TSPEAR: variants seen among roughly 807,000 people sequenced by gnomAD.
TSPEAR encodes thrombospondin-type laminin G domain and EAR repeat-containing protein.
TSPEAR carries 69 observed loss-of-function variants against 71.6 expected under a neutral mutation model. The observed-to-expected ratio is 0.96, with a 90% confidence interval of 0.79 to 1.18. The LOEUF (loss-of-function observed/expected upper bound fraction) is 1.18, where lower values mean the gene tolerates loss of function less well. TSPEAR is among the 50% of genes most tolerant of loss of function. TSPEAR has a pLI of 0.00. For missense variants in TSPEAR, 971 were observed against 894.9 expected, an observed-to-expected ratio of 1.09 and a Z score of -1.09; for synonymous variants, 402 against 387.2, an observed-to-expected ratio of 1.04 and a Z score of -0.45.
intron 1 of TSPEAR, among the ~76,000 whole-genome samples, chr21:44,594,485 A>G (rs1980225388): frequency 6.6e-6 from 1 of 152,194 alleles, no homozygotes; most frequent in Non-Finnish European, 1.5e-5. Flanking sequence ...GACCGACATT[A>G]AAGTCTCACT....
chr21:44,677,702 G>C, intron 1 of TSPEAR: 1 of 1,425,202 alleles, frequency 7.0e-7, no homozygotes, highest in South Asian at 1.1e-5. Context: ...TTTGTTTTTG[G>C]AGTTGTGAGG....
At chr21:44,654,705 C>A (rs782771018) in intron 1 of TSPEAR, 22 of 858,512 alleles carry the variant, frequency 2.6e-5, no homozygotes, top group South Asian at 7.3e-5. Flanking sequence ...CTACCGGCAT[C>A]CTGGCAACAA....
At chr21:44,662,667 A>G (rs969968482) in intron 1 of TSPEAR, among the ~76,000 whole-genome samples, 5 of 152,242 alleles carry the variant, frequency 3.3e-5, no homozygotes, top group Admixed American at 2.6e-4. Context: ...ACAGATACAC[A>G]TTCTTTTCAA....
At chr21:44,548,525 C>G (rs782176485) in intron 2 of TSPEAR, among the ~76,000 whole-genome samples, 1 of 152,150 alleles carries the variant, frequency 6.6e-6, no homozygotes, top group Non-Finnish European at 1.5e-5. Flanking sequence ...TGTGGGACCA[C>G]GTCCAAACCA....
intron 1 of TSPEAR, chr21:44,654,699 C>A (rs587750554): frequency 2.1e-6 from 2 of 944,854 alleles, no homozygotes; most frequent in Admixed American, 5.8e-5. Context: ...CCCAGGCTAC[C>A]GGCATCCTGG....
At chr21:44,580,364 G>A (rs587619616) in intron 1 of TSPEAR, 11 of 1,613,680 alleles carry the variant, frequency 6.8e-6, no homozygotes, top group South Asian at 1.1e-5. Flanking sequence ...CTGGCAGCAC[G>A]AGGGCGTGCA....
intron 9 of TSPEAR, among the ~76,000 whole-genome samples, chr21:44,521,430 C>T (rs112115762): frequency 9.2e-5 from 14 of 152,216 alleles, no homozygotes; most frequent in African/African-American, 2.9e-4. Flanking sequence ...AGGAGCGCCA[C>T]GTGCTGCCCC....
chr21:44,607,819 C>T (rs1981408759), intron 1 of TSPEAR, among the ~76,000 whole-genome samples: 1 of 152,168 alleles, frequency 6.6e-6, no homozygotes, highest in Non-Finnish European at 1.5e-5. Context: ...AAACATGACA[C>T]ACACACCCCC....
intron 4 of TSPEAR, among the ~76,000 whole-genome samples, chr21:44,530,406 CCCATCCATTCAT>C (rs1485692507): frequency 4.0e-5 from 6 of 149,982 alleles, no homozygotes; most frequent in East Asian, 3.9e-4. Context: ...CCTCCATCCA[CCCATCCATTCAT>C]CCATCCATTC....
chr21:44,697,877 G>C, intron 1 of TSPEAR: 2 of 1,612,606 alleles, frequency 1.2e-6, no homozygotes, highest in South Asian at 1.1e-5. Context: ...GCCAAGCTGC[G>C]GCCGCCTGGC....
At chr21:44,599,348 C>T (rs1555928086) in intron 1 of TSPEAR, among the ~76,000 whole-genome samples, 1 of 152,190 alleles carries the variant, frequency 6.6e-6, no homozygotes, top group Admixed American at 6.5e-5. Flanking sequence ...GTTAAGAGGC[C>T]TGGACTGGGA....
intron 1 of TSPEAR, among the ~76,000 whole-genome samples, chr21:44,598,236 C>G (rs1732429771): frequency 6.6e-6 from 1 of 152,224 alleles, no homozygotes; most frequent in Non-Finnish European, 1.5e-5. Flanking sequence ...CCCGTCTCTC[C>G]CATTATGCAT....
intron 1 of TSPEAR, among the ~76,000 whole-genome samples, chr21:44,577,522 C>T (rs781984935): frequency 2.6e-4 from 40 of 152,138 alleles, no homozygotes; most frequent in Non-Finnish European, 5.1e-4. Context: ...GTGCCAGGCT[C>T]TTGTAAACAA....
At chr21:44,647,327 T>C (rs1170969283) in intron 1 of TSPEAR, 2 of 1,613,704 alleles carry the variant, frequency 1.2e-6, no homozygotes, top group Non-Finnish European at 1.7e-6. Flanking sequence ...TGCTACAGCC[T>C]CTGCTCAGGC....
rs79471541 is a variant in TSPEAR at position 44,515,234 on chromosome 21, G to C, written c.1567-5848C>G. ...AAATGTTGGCAAAACATGAAAGTGG[G>C]CTTTGTGAGTTTTGAGGAATTACTG... On this transcript the variant is annotated intron_variant, in intron 9 of 11. Transcript: ENST00000323084. Among the ~76,000 whole-genome samples, 845 of 152,364 alleles carry C rather than the reference G, an allele frequency of 5.5e-3. 9 individuals carry two copies. Among genetic ancestry groups the C allele is most frequent in the African/African-American group, 0.019 (807 of 41,588 alleles).
At chr21:44,702,231 T>C (rs1987683427) in intron 1 of TSPEAR, 1 of 1,599,764 alleles carries the variant, frequency 6.3e-7, no homozygotes, top group South Asian at 1.1e-5. Flanking sequence ...GAGCCAGTGC[T>C]TCCACCAACT....
At chr21:44,666,273 G>C (rs1367835891) in intron 1 of TSPEAR, 4 of 832,332 alleles carry the variant, frequency 4.8e-6, no homozygotes, top group Non-Finnish European at 7.3e-6. Flanking sequence ...GGATGGGCAA[G>C]GTCAGCAAGG....
At chr21:44,518,917 C>T (rs2052670671) in intron 9 of TSPEAR, 3 of 256,488 alleles carry the variant, frequency 1.2e-5, no homozygotes, top group African/African-American at 2.2e-5. Flanking sequence ...TGGTGTGGAG[C>T]CCCGGGTGTT....
intron 9 of TSPEAR, 148 bp from the exon 10 acceptor site, chr21:44,509,534 AGCG>A (rs781883837): frequency 1.6e-5 from 9 of 570,744 alleles, no homozygotes; most frequent in East Asian, 1.2e-4. Flanking sequence ...GGTGTGGGTG[AGCG>A]GGCGCAGAGG....
Sources: allele counts gnomAD v4.1 joint callset (sites outside exome capture counted in the v4.1 genomes callset), GRCh38; gene constraint gnomAD v4.1.1; transcripts MANE v1.5; gene names NCBI Gene and HGNC (gene_info 2026-07-23, HGNC 2026-07-21).